MRPL13: variants seen among roughly 807,000 people sequenced by gnomAD.
The protein encoded by MRPL13 is large ribosomal subunit protein uL13m.
Under a neutral mutation model 29.0 loss-of-function variants are expected in MRPL13, and 33 were observed. The observed-to-expected ratio is 1.14, with a 90% CI of 0.86 to 1.52. The LOEUF (loss-of-function observed/expected upper bound fraction) is 1.52. MRPL13 is among the 40% of genes most tolerant of loss of function. The pLI, the probability that MRPL13 is intolerant of heterozygous loss-of-function variation, is 0.00. For missense variants in MRPL13, 227 were observed against 216.7 expected, an observed-to-expected ratio of 1.05 and a Z score of -0.30; for synonymous variants, 77 against 68.4, an observed-to-expected ratio of 1.13 and a Z score of -0.62.
intron 2 of MRPL13, among the ~76,000 whole-genome samples, chr8:120,434,799 G>A (rs891454286): frequency 1.3e-5 from 2 of 152,042 alleles, no homozygotes; most frequent in Non-Finnish European, 2.9e-5. Context: ...ACTACTGTCT[G>A]GGCCAGGTAA....
chr8:120,439,424 A>T (rs1317296080), intron 2 of MRPL13, among the ~76,000 whole-genome samples: 2 of 152,326 alleles, frequency 1.3e-5, no homozygotes, highest in South Asian at 4.1e-4. Context: ...CAGTGTTAAG[A>T]TATCTTTAAA....
chr8:120,444,836 C>A (rs1043546566), intron 1 of MRPL13: 7 of 467,374 alleles, frequency 1.5e-5, no homozygotes. Flanking sequence ...TCCCCCCGCC[C>A]CCCCAAGAAA....
At chr8:120,406,594 ATTG>A (rs952982242) in intron 6 of MRPL13, among the ~76,000 whole-genome samples, 4 of 136,428 alleles carry the variant, frequency 2.9e-5, no homozygotes, top group African/African-American at 8.5e-5. Context: ...TGTGTGTGTA[ATTG>A]TTATCTAATA....
intron 2 of MRPL13, among the ~76,000 whole-genome samples, chr8:120,433,085 T>C (rs1301324567): frequency 6.6e-6 from 1 of 152,032 alleles, no homozygotes; most frequent in Non-Finnish European, 1.5e-5. Context: ...AAGAAGATAA[T>C]GCAAGTGGGT....
intron 1 of MRPL13, 150 bp downstream of exon 1, chr8:120,444,918 T>A (rs1179414386): frequency 9.6e-6 from 8 of 833,772 alleles, no homozygotes; most frequent in Non-Finnish European, 1.6e-5. Context: ...CTTGCCAGAC[T>A]GACGACCCTC....
intron 2 of MRPL13, among the ~76,000 whole-genome samples, chr8:120,434,778 G>C (rs553555017): frequency 4.4e-4 from 67 of 152,150 alleles, no homozygotes; most frequent in African/African-American, 1.4e-3. Flanking sequence ...TTATTTACCA[G>C]TTTTTCCAAC....
At chr8:120,424,523 G>C (rs1306440718) in intron 4 of MRPL13, among the ~76,000 whole-genome samples, 1 of 152,010 alleles carries the variant, frequency 6.6e-6, no homozygotes, top group Non-Finnish European at 1.5e-5. Context: ...CCCAGCACTT[G>C]GGAGGCCGAG....
At chr8:120,428,730 A>G (rs527415146) in intron 3 of MRPL13, among the ~76,000 whole-genome samples, 72 of 152,362 alleles carry the variant, frequency 4.7e-4, no homozygotes, top group African/African-American at 1.7e-3. Context: ...AATCATGAAA[A>G]AAAGCTCAAA....
chr8:120,444,925 C>T (rs570095077), intron 1 of MRPL13, 143 bp downstream of exon 1: 13 of 992,626 alleles, frequency 1.3e-5, no homozygotes, highest in Non-Finnish European at 1.9e-5. Context: ...GACTGACGAC[C>T]CTCTTGTGCT....
intron 6 of MRPL13, among the ~76,000 whole-genome samples, chr8:120,397,819 C>A (rs1407604374): frequency 2.0e-5 from 3 of 152,126 alleles, no homozygotes; most frequent in Non-Finnish European, 4.4e-5. Context: ...GCAGTCTAGA[C>A]AAGGAGGAGT....
At chr8:120,399,435 A>C (rs543930831) in intron 6 of MRPL13, among the ~76,000 whole-genome samples, 7 of 152,326 alleles carry the variant, frequency 4.6e-5, no homozygotes, top group Non-Finnish European at 8.8e-5. Flanking sequence ...TTTTTCAGAC[A>C]AACAAATACT....
rs1420630282 is a variant in MRPL13 at position 120,424,369 on chromosome 8, C to G, written c.306+937G>C. ...CATAAACAAGCAGGGTGCCTATAGT[C>G]CCAGGTGTTTGGGAGGCCAAAATAG... is the stretch of plus-strand genomic sequence containing the variant. On this transcript the variant is annotated intron_variant, in intron 4 of 6. Coordinates refer to ENST00000306185, the MANE Select transcript of MRPL13 (RefSeq NM_014078.6). Among the ~76,000 whole-genome samples, 3 of 152,088 alleles carry G rather than the reference C, an allele frequency of 2.0e-5. No homozygotes were observed. The East Asian group carries it at 5.8e-4, about 29-fold the overall frequency.
chr8:120,400,935 C>T (rs1444791720), intron 6 of MRPL13, among the ~76,000 whole-genome samples: 1 of 151,874 alleles, frequency 6.6e-6, no homozygotes, highest in Non-Finnish European at 1.5e-5. Flanking sequence ...TACAAAAACC[C>T]TCCAAAGACT....
chr8:120,398,046 C>T (rs964000424), intron 6 of MRPL13, among the ~76,000 whole-genome samples: 4 of 152,178 alleles, frequency 2.6e-5, no homozygotes, highest in African/African-American at 4.8e-5. Flanking sequence ...GCAGTTCAGT[C>T]GACACAGCCT....
At chr8:120,423,296 C>G (rs552962620) in intron 4 of MRPL13, among the ~76,000 whole-genome samples, 1 of 151,542 alleles carries the variant, frequency 6.6e-6, no homozygotes, top group African/African-American at 2.4e-5. Flanking sequence ...CAATCAAATG[C>G]AACTGTCTAC....
At chr8:120,422,054 G>C (rs2130469989) in intron 4 of MRPL13, among the ~76,000 whole-genome samples, 1 of 151,586 alleles carries the variant, frequency 6.6e-6, no homozygotes, top group South Asian at 2.1e-4. Flanking sequence ...AGCAAATTCT[G>C]AGCACAGTTT....
intron 3 of MRPL13, among the ~76,000 whole-genome samples, chr8:120,430,957 T>C (rs1473729696): frequency 6.6e-6 from 1 of 152,222 alleles, no homozygotes; most frequent in Non-Finnish European, 1.5e-5. Flanking sequence ...AATATTTCTT[T>C]CCCAATTACC....
intron 6 of MRPL13, among the ~76,000 whole-genome samples, 170 bp from the exon 7 acceptor site, chr8:120,396,295 A>G (rs1201415259): frequency 6.6e-6 from 1 of 152,192 alleles, no homozygotes; most frequent in Non-Finnish European, 1.5e-5. Context: ...AAATCTTTAT[A>G]AAGTAGAACA....
At position 120,443,186 on chromosome 8, in the gene MRPL13, C is replaced by T. The variant is rs1164899784; in HGVS notation, c.150G>A (p.Leu50=). The T allele has an allele frequency of 1.3e-6, 2 of 1,542,570 alleles. No homozygotes were observed. Among genetic ancestry groups the T allele is most frequent in the African/African-American group, 1.4e-5 (1 of 71,404 alleles). The change falls in exon 2 of 7, where the codon CTG becomes CTA. Residue 50 remains leucine (L), a splice_region_variant and synonymous_variant. Coordinates refer to ENST00000306185, the MANE Select transcript of MRPL13 (RefSeq NM_014078.6). ...QGLHKPVYHA[L]SDCGDHVVIM... ...TGACAGGTCTAAAATAATACTTACT[C>T]AGTGCATGGTACACAGGTTTATGTA... is the stretch of plus-strand genomic sequence containing the variant.
Sources: allele counts gnomAD v4.1 joint callset (sites outside exome capture counted in the v4.1 genomes callset), GRCh38; gene constraint gnomAD v4.1.1; transcripts MANE v1.5; gene names NCBI Gene and HGNC (gene_info 2026-07-23, HGNC 2026-07-21).